The following FAM83E variants were observed in gnomAD, a reference collection of about 807,000 sequenced individuals.
The protein encoded by FAM83E is scaffolding CK1 anchoring protein E, also known as protein FAM83E.
In FAM83E, 29 loss-of-function variants were observed where a neutral mutation model predicts 34.3. The observed-to-expected ratio is 0.85, with a 90% CI of 0.63 to 1.15. FAM83E has a LOEUF of 1.15. Ranked by LOEUF, FAM83E falls within the 50% of genes most tolerant of loss-of-function variation. FAM83E has a pLI of 0.00. For missense variants in FAM83E, 697 were observed against 685.0 expected (o/e 1.02, Z -0.20); for synonymous variants, 312 against 311.6 (o/e 1.00, Z -0.01).
At chr19:48,603,436 G>A in intron 6 of FAM83E, 58 bp downstream of exon 6, 1 of 1,447,318 alleles carries the variant, frequency 6.9e-7, no homozygotes, top group Non-Finnish European at 9.1e-7. Context: ...GCACCACCCT[G>A]GGCAAACGCC....
Position 48,613,949 on chromosome 19 carries a change from T to A in FAM83E, c.-577A>T. 1.0e-6 allele frequency: 1 copy of A among 985,300 alleles called. No individual in the cohort carries two copies. Among genetic ancestry groups the A allele is most frequent in the Non-Finnish European group, 1.2e-6 (1 of 829,916 alleles). The allele number at this position is 985,300 out of a possible 1,614,324, so 61.0% of individuals were successfully genotyped here. ...GAGCACGACGAACTGACCCTCTCCT[T>A]CCACTGTCTGGCAAACGCCAATGGC... On this transcript the variant is annotated 5_prime_UTR_variant, in exon 3 of 7. It introduces an in-frame stop codon into an upstream open reading frame of the 5' UTR. Coordinates refer to ENST00000263266, the MANE Select transcript of FAM83E (RefSeq NM_017708.4).
Position 48,600,999 on chromosome 19 carries a change from C to A in FAM83E, c.*110G>T, listed in dbSNP as rs80337502. 2,050 of 1,480,020 alleles carry A rather than the reference C, an allele frequency of 1.4e-3. 20 individuals carry two copies. In the African/African-American group the frequency reaches 0.023, roughly 17 times the overall value. 91.7% of individuals were successfully genotyped at this position (1,480,020 alleles called of 1,614,324 possible). On this transcript the variant is annotated 3_prime_UTR_variant, in exon 7 of 7. Coordinates refer to ENST00000263266, the MANE Select transcript of FAM83E (RefSeq NM_017708.4). Reference sequence around the variant, plus strand: ...AACATCCCTTCTGCTTGACAGACGCCGAGGCCAGAAGCCTTGTCCAAGGCA... The same window carrying A: ...AACATCCCTTCTGCTTGACAGACGCAGAGGCCAGAAGCCTTGTCCAAGGCA...
intron 4 of FAM83E, 131 bp from the exon 5 acceptor site, chr19:48,610,131 G>T: frequency 1.6e-6 from 2 of 1,214,002 alleles, no homozygotes; most frequent in Non-Finnish European, 2.3e-6. Context: ...AGGCGTGGTG[G>T]CTCACACTTG....
chr19:48,612,862 C>G lies in FAM83E; in HGVS notation c.465+46G>C, dbSNP rs1273693682. ...GGACAAGGGAGAGAATGCCTGGGTC[C>G]CCGTCCCAGTCTGGTGAATGGACAC... is the stretch of plus-strand genomic sequence containing the variant. On this transcript the variant is annotated intron_variant, in intron 3 of 6. Coordinates refer to ENST00000263266, the MANE Select transcript of FAM83E (RefSeq NM_017708.4). The G allele has an allele frequency of 7.4e-6, 11 of 1,480,642 alleles. No individual in the cohort carries two copies. In the South Asian group the frequency reaches 1.2e-4, roughly 16 times the overall value. The allele number at this position is 1,480,642 out of a possible 1,614,324, so 91.7% of individuals were successfully genotyped here. A position where few individuals can be genotyped will look rare whatever the true frequency, so the allele number is the denominator to read the frequency against.
chr19:48,603,117 C>G (rs1375835985), intron 6 of FAM83E, among the ~76,000 whole-genome samples: 2 of 151,902 alleles, frequency 1.3e-5, no homozygotes, highest in Non-Finnish European at 2.9e-5. Flanking sequence ...CATTACTACT[C>G]TATTTCATTT....
rs1190802708 is a variant in FAM83E, at chr19:48,610,171, G to A, written c.634-171C>T. Among the ~76,000 whole-genome samples the A allele has an allele frequency of 2.6e-5, 4 of 152,114 alleles. No individual in the cohort carries two copies. The East Asian group carries it at 7.7e-4, about 29-fold the overall frequency. ...CCCAGCACTTTGGGAGGCCGAGGCG[G>A]GTGGATCAGCTGAGGTCAGGAGGTC... On this transcript the variant is annotated intron_variant, in intron 4 of 6. Transcript: ENST00000263266.
Position 48,603,896 on chromosome 19 carries a change from G to T in FAM83E, c.774C>A (p.Asp258Glu). ...ISGSYSFTWS[D>E]ARLHRGLVTL... Reference sequence around the variant, plus strand: ...TCACCAGGCCTCGGTGCAGGCGTGCGTCACTCCACGTGAAGCTGGGGGTCG... The same window carrying T: ...TCACCAGGCCTCGGTGCAGGCGTGCTTCACTCCACGTGAAGCTGGGGGTCG... The change falls in exon 6 of 7, where the codon GAC becomes GAA. Residue 258 changes from aspartate (D) to glutamate (E), a missense_variant. Transcript: ENST00000263266. 1 of 1,600,160 alleles carries T rather than the reference G, an allele frequency of 6.2e-7. No individual in the cohort carries two copies. Among genetic ancestry groups the T allele is most frequent in the Non-Finnish European group, 8.5e-7 (1 of 1,173,540 alleles).
chr19:48,602,934 C>T (rs1016690260), intron 6 of FAM83E, among the ~76,000 whole-genome samples: 3 of 149,100 alleles, frequency 2.0e-5, no homozygotes, highest in African/African-American at 5.0e-5. Flanking sequence ...TCACTGCAAC[C>T]GCCGCCTCCC....
Position 48,613,268 on chromosome 19 carries a change from C to T in FAM83E, c.105G>A (p.Leu35=), listed in dbSNP as rs2147650343. Residue 35 remains leucine, a synonymous_variant, in exon 3 of 7, where the codon CTG becomes CTA. Transcript: ENST00000263266. ...CCGCGCCCTTGCTCAACAGAGCCTC[C>T]AGTGCCAGCCGCTGGCCCTCGGAAT... ...FLYSEGQRLA[L]EALLSKGAEA... 6.2e-7 allele frequency: 1 copy of T among 1,609,494 alleles called. No individual in the cohort carries two copies. Among genetic ancestry groups the T allele is most frequent in the African/African-American group, 1.3e-5 (1 of 75,060 alleles).
At chr19:48,604,201 TG>T (rs1276235965) in intron 5 of FAM83E, among the ~76,000 whole-genome samples, 1 of 151,724 alleles carries the variant, frequency 6.6e-6, no homozygotes, top group Non-Finnish European at 1.5e-5. Flanking sequence ...CAGACCAGCC[TG>T]GGCAACATGG....
chr19:48,601,611 A>C (rs1462106230), intron 6 of FAM83E, among the ~76,000 whole-genome samples: 1 of 152,014 alleles, frequency 6.6e-6, no homozygotes, highest in Non-Finnish European at 1.5e-5. Context: ...CTAAAAATAC[A>C]AAAATTAGCC....
At position 48,601,080 on chromosome 19, in the gene FAM83E, G is replaced by A; in HGVS notation, c.*29C>T. On this transcript the variant is annotated 3_prime_UTR_variant, in exon 7 of 7. Transcript: ENST00000263266. Reference sequence around the variant, plus strand: ...AGTTGTCCGGCACTGCTCCTTGGGTGGGCCAGCAGATTTGGCTTGGGCTCC... The same window carrying A: ...AGTTGTCCGGCACTGCTCCTTGGGTAGGCCAGCAGATTTGGCTTGGGCTCC... The A allele has an allele frequency of 6.3e-7, 1 of 1,590,536 alleles. No individual in the cohort carries two copies. The highest frequency in any genetic ancestry group is 8.6e-7 in the Non-Finnish European group (1 of 1,169,256).
chr19:48,607,022 C>T (rs1973943434), intron 5 of FAM83E: 1 of 1,611,222 alleles, frequency 6.2e-7, no homozygotes, highest in African/African-American at 1.3e-5. Context: ...GCTCTGCCCC[C>T]AGGCACGACG....
rs948888817 is a variant in FAM83E at position 48,600,916 on chromosome 19, G to C, written c.*193C>G. ...AACCCTCCCACCTTAGCCTCCCAAA[G>C]TGCAGGGATTACAGGCATGAGCCAC... is the stretch of plus-strand genomic sequence containing the variant. On this transcript the variant is annotated 3_prime_UTR_variant, in exon 7 of 7. Coordinates refer to ENST00000263266, the MANE Select transcript of FAM83E (RefSeq NM_017708.4). 1.6e-6 allele frequency: 2 copies of C among 1,274,478 alleles called. No individual in the cohort carries two copies. Among genetic ancestry groups the C allele is most frequent in the Non-Finnish European group, 2.0e-6 (2 of 977,884 alleles). 78.9% of individuals were successfully genotyped at this position (1,274,478 alleles called of 1,614,324 possible).
At chr19:48,604,322 A>ATTTTTTTT (rs913336534) in intron 5 of FAM83E, among the ~76,000 whole-genome samples, 6 of 97,920 alleles carry the variant, frequency 6.1e-5, no homozygotes, top group Non-Finnish European at 5.8e-5. Flanking sequence ...TGACCCTGGG[A>ATTTTTTTT]TTTTTTTTTT....
Position 48,613,277 on chromosome 19 carries a change from C to G in FAM83E, c.96G>C (p.Arg32=). Reference sequence around the variant, plus strand: ...TGCTCAACAGAGCCTCCAGTGCCAGCCGCTGGCCCTCGGAATATAGAAAGC... The same window carrying G: ...TGCTCAACAGAGCCTCCAGTGCCAGGCGCTGGCCCTCGGAATATAGAAAGC... ...SPGFLYSEGQ[R]LALEALLSKG... is the part of the protein sequence containing the mutation. Residue 32 remains arginine, a synonymous_variant, in exon 3 of 7, where the codon CGG becomes CGC. Coordinates refer to ENST00000263266, the MANE Select transcript of FAM83E (RefSeq NM_017708.4). The G allele has an allele frequency of 6.2e-7, 1 of 1,609,398 alleles. No individual in the cohort carries two copies. Among genetic ancestry groups the G allele is most frequent in the Non-Finnish European group, 8.5e-7 (1 of 1,179,594 alleles).
In FAM83E at chr19:48,614,691, C is replaced by A. The variant is rs369459066; in HGVS notation, c.-1256+17G>T. The A allele has an allele frequency of 2.3e-5, 23 of 985,642 alleles. No individual in the cohort carries two copies. Among genetic ancestry groups the A allele is most frequent in the Non-Finnish European group, 2.8e-5 (23 of 830,192 alleles). 61.1% of individuals were successfully genotyped at this position (985,642 alleles called of 1,614,324 possible). On this transcript the variant is annotated intron_variant, in intron 2 of 6. Transcript: ENST00000263266. ...CCCGCCCCACCCTCACCCATCCCCC[C>A]CATCGCCGGGGCTCACCCACACCGG...
Position 48,613,929 on chromosome 19 carries a change from C to T in FAM83E, c.-557G>A, listed in dbSNP as rs1029566658. 48 of 985,082 alleles carry T rather than the reference C, an allele frequency of 4.9e-5. 1 individual carries two copies. In the East Asian group the frequency reaches 8.0e-4, roughly 16 times the overall value. 61.0% of individuals were successfully genotyped at this position (985,082 alleles called of 1,614,324 possible). ...GCCTGCCTGCCCCCGGCCAAGAGCA[C>T]GACGAACTGACCCTCTCCTTCCACT... On this transcript the variant is annotated 5_prime_UTR_variant, in exon 3 of 7. In the 5' UTR this introduces an upstream ATG that the reference lacks. Transcript: ENST00000263266.
In FAM83E at chr19:48,601,155, C is replaced by A; in HGVS notation, c.1391G>T (p.Arg464Met). 1 of 1,613,202 alleles carries A rather than the reference C, an allele frequency of 6.2e-7. No homozygotes were observed. The highest frequency in any genetic ancestry group is 8.5e-7 in the Non-Finnish European group (1 of 1,179,832). Residue 464 changes from arginine (R) to methionine (M), a missense_variant, in exon 7 of 7, where the codon AGG (arginine) becomes ATG (methionine). By Grantham distance (91) the Arg-to-Met change is moderately conservative. Coordinates refer to ENST00000263266, the MANE Select transcript of FAM83E (RefSeq NM_017708.4). ...TFKLQEPRGV[R>M]PSDWAPRAGL... Reference sequence around the variant, plus strand: ...TGCCCGGGGGGCCCAGTCTGACGGCCTGACGCCTCTGGGCTCTTGAAGTTT... The same window carrying A: ...TGCCCGGGGGGCCCAGTCTGACGGCATGACGCCTCTGGGCTCTTGAAGTTT...
Sources: gnomAD v4.1 joint callset for allele counts (sites outside exome capture counted in the v4.1 genomes callset) on GRCh38, gnomAD v4.1.1 for gene constraint, MANE v1.5 for transcripts, NCBI Gene and HGNC (gene_info 2026-07-23, HGNC 2026-07-21) for gene names.